The following NPAS3 variants were observed in gnomAD, a reference collection of about 807,000 sequenced individuals.
NPAS3 encodes the protein neuronal PAS domain protein 3.
NPAS3 carries 14 observed loss-of-function variants against 73.1 expected under a neutral mutation model. The ratio of observed to expected loss-of-function variants is 0.19; its 90% CI spans 0.13 to 0.30. The LOEUF is 0.30. Among genes scored for constraint, NPAS3 ranks in the 10% least tolerant of loss-of-function variants. The pLI is 1.00. For missense variants in NPAS3, 1,096 were observed against 1,250.0 expected, an observed-to-expected ratio of 0.88 and a Z score of 1.86; for synonymous variants, 620 against 541.5, an observed-to-expected ratio of 1.14 and a Z score of -2.01.
At chr14:32,976,352 T>C (rs1364986594) in intron 1 of NPAS3, among the ~76,000 whole-genome samples, 1 of 152,194 alleles carries the variant, frequency 6.6e-6, no homozygotes, top group Non-Finnish European at 1.5e-5. Context: ...GGGAGACTCA[T>C]TTTGATTCAG....
intron 2 of NPAS3, among the ~76,000 whole-genome samples, chr14:33,136,995 G>A (rs1181598649): frequency 6.6e-6 from 1 of 152,132 alleles, no homozygotes; most frequent in Non-Finnish European, 1.5e-5. Flanking sequence ...GAATGAATAT[G>A]CCAAAACTTC....
At chr14:33,626,820 A>T (rs2058234412) in intron 5 of NPAS3, among the ~76,000 whole-genome samples, 1 of 152,202 alleles carries the variant, frequency 6.6e-6, no homozygotes, top group Non-Finnish European at 1.5e-5. Context: ...TTATCCATAC[A>T]AAGGGATAAG....
At chr14:33,647,379 C>G (rs1035826296) in intron 5 of NPAS3, among the ~76,000 whole-genome samples, 1 of 151,886 alleles carries the variant, frequency 6.6e-6, no homozygotes, top group African/African-American at 2.4e-5. Context: ...TGACCAGCAT[C>G]TTCGAAGTGT....
At chr14:33,125,374 G>A (rs1308412664) in intron 2 of NPAS3, among the ~76,000 whole-genome samples, 3 of 152,024 alleles carry the variant, frequency 2.0e-5, no homozygotes, top group Non-Finnish European at 2.9e-5. Flanking sequence ...TCCAGGAGTC[G>A]AGGAAATGAT....
rs147632130 is a variant in NPAS3 at position 33,410,893 on chromosome 14, A to G, written c.468+43625A>G. Among the ~76,000 whole-genome samples, 612 of 151,946 alleles carry G rather than the reference A, an allele frequency of 4.0e-3. 1 individual carries two copies. The highest frequency in any genetic ancestry group is 0.017 in the Middle Eastern group (5 of 290). On this transcript the variant is annotated intron_variant, in intron 4 of 11. Transcript: ENST00000356141. ...ACTCCTGACCTCAGGTGATCCACCC[A>G]CCTTGGCCTCCCAAAGTGCTGGGAT...
intron 7 of NPAS3, among the ~76,000 whole-genome samples, chr14:33,758,472 C>A (rs1595562921): frequency 6.6e-6 from 1 of 152,102 alleles, no homozygotes; most frequent in Non-Finnish European, 1.5e-5. Context: ...ACAAGCTGGC[C>A]CCATAGGGCG....
chr14:33,414,939 C>G (rs1358984802), intron 4 of NPAS3, among the ~76,000 whole-genome samples: 1 of 152,028 alleles, frequency 6.6e-6, no homozygotes, highest in Non-Finnish European at 1.5e-5. Context: ...GGTAGAATTC[C>G]CTGCTCCCCT....
chr14:33,320,618 A>G (rs925074568), intron 3 of NPAS3, among the ~76,000 whole-genome samples: 1 of 152,124 alleles, frequency 6.6e-6, no homozygotes, highest in African/African-American at 2.4e-5. Context: ...CCCCAGATAG[A>G]TGGCATGCTG....
intron 2 of NPAS3, among the ~76,000 whole-genome samples, chr14:33,136,049 AC>A (rs1286409635): frequency 7.1e-6 from 1 of 141,132 alleles, no homozygotes; most frequent in African/African-American, 2.7e-5. Context: ...TGCAATAACT[AC>A]CTTTTTTCTT....
chr14:33,687,075 G>C (rs984330775), intron 6 of NPAS3, among the ~76,000 whole-genome samples: 29 of 152,146 alleles, frequency 1.9e-4, no homozygotes, highest in African/African-American at 6.8e-4. Context: ...CGATGATTTG[G>C]AATTAAGATA....
intron 2 of NPAS3, among the ~76,000 whole-genome samples, chr14:33,138,699 G>T (rs8007189): frequency 0.091 from 13,870 of 152,200 alleles, 849 homozygotes; most frequent in Non-Finnish European, 0.14. Context: ...ATGAGACAGG[G>T]TTCCAGTGAT....
intron 7 of NPAS3, among the ~76,000 whole-genome samples, chr14:33,764,526 G>A (rs535058493): frequency 6.6e-6 from 1 of 152,328 alleles, no homozygotes; most frequent in Admixed American, 6.5e-5. Context: ...TTCCTGGGGA[G>A]GTGCTAAGTA....
intron 4 of NPAS3, among the ~76,000 whole-genome samples, chr14:33,418,803 C>T (rs1179992630): frequency 3.3e-5 from 5 of 152,036 alleles, no homozygotes; most frequent in African/African-American, 7.2e-5. Context: ...GACAGCCCTG[C>T]TCTTGGTTCT....
chr14:33,209,117 A>G (rs2046937461), intron 2 of NPAS3, among the ~76,000 whole-genome samples: 1 of 152,188 alleles, frequency 6.6e-6, no homozygotes, highest in Non-Finnish European at 1.5e-5. Flanking sequence ...TTTACACCTT[A>G]AAGAAGATTT....
chr14:32,955,125 CTTCTGGTCAACTCAGA>C (rs2036623971), intron 1 of NPAS3, among the ~76,000 whole-genome samples: 1 of 152,110 alleles, frequency 6.6e-6, no homozygotes, highest in Admixed American at 6.6e-5. Flanking sequence ...GAACCTGTGG[CTTCTGGTCAACTCAGA>C]TTCAATTTTA....
intron 5 of NPAS3, among the ~76,000 whole-genome samples, chr14:33,577,668 C>G (rs10150626): frequency 0.72 from 109,627 of 152,088 alleles, 40,134 homozygotes; most frequent in African/African-American, 0.85. Context: ...GCTGGGGTGA[C>G]GGGGTAAAGG....
At chr14:33,651,533 A>C (rs1417785876) in intron 5 of NPAS3, among the ~76,000 whole-genome samples, 1 of 152,006 alleles carries the variant, frequency 6.6e-6, no homozygotes, top group East Asian at 1.9e-4. Context: ...TAATTAGAAT[A>C]CAAATTATAT....
At chr14:33,751,704 T>C (rs60234385) in intron 7 of NPAS3, among the ~76,000 whole-genome samples, 20,677 of 152,164 alleles carry the variant, frequency 0.14, 3,249 homozygotes, top group African/African-American at 0.38. Context: ...TATCTCTCAT[T>C]AGAAAAATTT....
In NPAS3 at chr14:33,197,258, T is replaced by TGC. The variant is rs1566664409; in HGVS notation, c.141-17923_141-17922insCG. ...CAGGCTGTGTGTGTGTGTGTGTGTG[T>TGC]GTGTGTGTGTTCTTTTTCAATTGAG... On this transcript the variant is annotated intron_variant, in intron 2 of 11. Coordinates refer to ENST00000356141, the Ensembl canonical transcript of NPAS3. Among the ~76,000 whole-genome samples, 11 of 149,462 alleles carry TGC rather than the reference T, an allele frequency of 7.4e-5. No homozygotes were observed. The East Asian group carries it at 2.2e-3, about 30-fold the overall frequency.
Sources: allele counts gnomAD v4.1 joint callset (sites outside exome capture counted in the v4.1 genomes callset), GRCh38; gene constraint gnomAD v4.1.1; transcripts MANE v1.5; gene names NCBI Gene and HGNC (gene_info 2026-07-23, HGNC 2026-07-21).